DPP6: variants seen among roughly 807,000 people sequenced by gnomAD.
DPP6 encodes the protein A-type potassium channel modulatory protein DPP6.
A neutral mutation model predicts 122.6 loss-of-function variants in DPP6; 69 were observed. The ratio of observed to expected loss-of-function variants is 0.56; its 90% CI spans 0.46 to 0.69. The LOEUF (loss-of-function observed/expected upper bound fraction) is 0.69. DPP6 is among the 30% of genes least tolerant of loss of function. The pLI is 0.00. For missense variants in DPP6, 928 were observed against 1,116.9 expected (o/e 0.83, Z 2.41); for synonymous variants, 418 against 433.1 (o/e 0.97, Z 0.43).
At chr7:154,879,660 G>A (rs906838422) in intron 20 of DPP6, among the ~76,000 whole-genome samples, 7 of 151,962 alleles carry the variant, frequency 4.6e-5, no homozygotes, top group African/African-American at 1.7e-4. Flanking sequence ...GTTGAGGCAG[G>A]AGGATCGCTT....
chr7:154,369,527 C>G (rs1812466054), intron 1 of DPP6, among the ~76,000 whole-genome samples: 1 of 152,154 alleles, frequency 6.6e-6, no homozygotes, highest in African/African-American at 2.4e-5. Flanking sequence ...CACCACCACG[C>G]CCGGCTAATT....
chr7:154,153,265 A>G (rs1383739392), intron 1 of DPP6, among the ~76,000 whole-genome samples: 2 of 152,132 alleles, frequency 1.3e-5, no homozygotes, highest in Non-Finnish European at 2.9e-5. Context: ...GGCTCACTGC[A>G]ACCTCTGCTT....
chr7:154,596,239 A>C (rs1833082695), intron 5 of DPP6, among the ~76,000 whole-genome samples: 1 of 152,232 alleles, frequency 6.6e-6, no homozygotes, highest in Non-Finnish European at 1.5e-5. Flanking sequence ...CCCAAATTAC[A>C]AAAACTATTG....
intron 8 of DPP6, among the ~76,000 whole-genome samples, chr7:154,761,625 G>A (rs1388548354): frequency 6.6e-6 from 1 of 152,228 alleles, no homozygotes; most frequent in Non-Finnish European, 1.5e-5. Flanking sequence ...AAGGCCAATG[G>A]GGAGCAGGTG....
rs576871693 is a variant in DPP6 at position 154,833,831 on chromosome 7, G to A, written c.1667-19949G>A. Among the ~76,000 whole-genome samples the A allele has an allele frequency of 1.3e-5, 2 of 152,334 alleles. No individual in the cohort carries two copies. The highest frequency in any genetic ancestry group is 1.3e-4 in the Admixed American group (2 of 15,300). On this transcript the variant is annotated intron_variant, in intron 16 of 25. Coordinates refer to ENST00000377770, the MANE Select transcript of DPP6 (RefSeq NM_130797.4). This position sits in a 1 kb window ranked among gnomAD's most constrained non-coding sequence, Gnocchi z 4.3. ...AAATTTAAGGACAAAGGAAAATTAT[G>A]TGGACAAAGGAGTTTTATTTTCTTT...
intron 5 of DPP6, among the ~76,000 whole-genome samples, chr7:154,613,817 C>G (rs1018306729): frequency 6.6e-6 from 1 of 151,998 alleles, no homozygotes; most frequent in African/African-American, 2.4e-5. Flanking sequence ...AAAATTGGGC[C>G]ACCCATTCCC....
chr7:153,871,293 C>T, the DPP6 span, among the ~76,000 whole-genome samples: 2 of 152,212 alleles, frequency 1.3e-5, no homozygotes, highest in African/African-American at 2.4e-5. Flanking sequence ...CTGTGGTGGG[C>T]TCCACGCAGT....
At position 154,486,808 on chromosome 7, in the gene DPP6, C is replaced by G. The variant is rs1273590024; in HGVS notation, c.457+11771C>G. Among the ~76,000 whole-genome samples, 3 of 152,168 alleles carry G rather than the reference C, an allele frequency of 2.0e-5. No individual in the cohort carries two copies. The highest frequency in any genetic ancestry group is 4.4e-5 in the Non-Finnish European group (3 of 68,038). On this transcript the variant is annotated intron_variant, in intron 3 of 25. Transcript: ENST00000377770. The surrounding 1 kb of genome is among the most constrained non-coding windows in gnomAD (Gnocchi z 4.5). ...GATTTCTTCCACACCACGCTGGTCCCTTCCAGAGGTGCTGTAGGTCCTCTG... is the reference window on the plus strand; with the variant it reads ...GATTTCTTCCACACCACGCTGGTCCGTTCCAGAGGTGCTGTAGGTCCTCTG...
chr7:154,637,006 C>G (rs922618678), intron 5 of DPP6, among the ~76,000 whole-genome samples: 2 of 152,156 alleles, frequency 1.3e-5, no homozygotes, highest in African/African-American at 4.8e-5. Flanking sequence ...ACAGAGTAAC[C>G]CACATATTCC....
intron 1 of DPP6, among the ~76,000 whole-genome samples, chr7:154,034,639 G>A (rs142280572): frequency 0.028 from 4,201 of 152,244 alleles, 185 homozygotes; most frequent in African/African-American, 0.097. Flanking sequence ...ACTCAGCAGT[G>A]TAACACTCTT....
intron 5 of DPP6, among the ~76,000 whole-genome samples, chr7:154,619,712 T>C (rs189168612): frequency 5.9e-5 from 9 of 152,342 alleles, no homozygotes; most frequent in Middle Eastern, 3.4e-3. Flanking sequence ...GAAACATAGA[T>C]GTGTATATGT....
chr7:153,865,935 G>A, the DPP6 span, among the ~76,000 whole-genome samples: 1 of 151,858 alleles, frequency 6.6e-6, no homozygotes, highest in Non-Finnish European at 1.5e-5. Flanking sequence ...AGTTTGCTGA[G>A]AATGATGGTT....
intron 16 of DPP6, among the ~76,000 whole-genome samples, chr7:154,811,054 G>A (rs1263511258): frequency 2.6e-5 from 4 of 152,116 alleles, no homozygotes; most frequent in South Asian, 2.1e-4. Context: ...TTAGCCTGTT[G>A]CCTCATCTTA....
chr7:154,102,568 TGC>T (rs1286265954), intron 1 of DPP6, among the ~76,000 whole-genome samples: 19 of 152,330 alleles, frequency 1.2e-4, no homozygotes, highest in Non-Finnish European at 2.1e-4. Flanking sequence ...TTCTTCCATG[TGC>T]GTTTTTCCTT....
At chr7:154,525,032 G>A (rs148399519) in intron 3 of DPP6, among the ~76,000 whole-genome samples, 203 of 152,210 alleles carry the variant, frequency 1.3e-3, no homozygotes, top group African/African-American at 4.3e-3. Flanking sequence ...CTTCTAGCCC[G>A]TTTTCATGGA....
At chr7:153,988,652 G>A (rs563312730) in intron 1 of DPP6, among the ~76,000 whole-genome samples, 3 of 152,336 alleles carry the variant, frequency 2.0e-5, no homozygotes, top group South Asian at 4.1e-4. Context: ...CGGAGAAAGG[G>A]GTGCTCCAAG....
chr7:154,755,148 TAAAAAA>T lies in DPP6; in HGVS notation c.884-14258_884-14253del, dbSNP rs71803736. Reference sequence around the variant, plus strand: ...TCCCAGAACTTAAAGTAAAATAAATTAAAAAAAAAAAAAAAAGAAACTGAACACATG... The same window carrying T: ...TCCCAGAACTTAAAGTAAAATAAATTAAAAAAAAAAGAAACTGAACACATG... On this transcript the variant is annotated intron_variant, in intron 8 of 25. Coordinates refer to ENST00000377770, the MANE Select transcript of DPP6 (RefSeq NM_130797.4). The surrounding 1 kb of genome is among the most constrained non-coding windows in gnomAD (Gnocchi z 4.7). Among the ~76,000 whole-genome samples the T allele has an allele frequency of 7.6e-6, 1 of 131,582 alleles. No individual in the cohort carries two copies. Among genetic ancestry groups the T allele is most frequent in the African/African-American group, 2.7e-5 (1 of 36,566 alleles). 86.3% of individuals were successfully genotyped at this position (131,582 alleles called of 152,430 possible). A position where few individuals can be genotyped will look rare whatever the true frequency, so the allele number is the denominator to read the frequency against.
chr7:154,419,561 G>C (rs1013559940), intron 1 of DPP6, among the ~76,000 whole-genome samples: 3 of 152,094 alleles, frequency 2.0e-5, no homozygotes, highest in Non-Finnish European at 4.4e-5. Context: ...CTTCACCAGC[G>C]ACCTCCCACA....
At chr7:153,887,861 G>A in intron 1 of DPP6, 2 of 1,079,504 alleles carry the variant, frequency 1.9e-6, no homozygotes, top group Non-Finnish European at 2.5e-6. Flanking sequence ...CCCGCGCGCG[G>A]CGGCGCTTCT....
Sources: gnomAD v4.1 joint callset for allele counts (sites outside exome capture counted in the v4.1 genomes callset) on GRCh38, gnomAD v4.1.1 for gene constraint, Gnocchi (gnomAD v3.1) non-coding constraint, MANE v1.5 for transcripts, NCBI Gene and HGNC (gene_info 2026-07-23, HGNC 2026-07-21) for gene names.